LPAR1: variants seen among roughly 807,000 people sequenced by gnomAD.
LPAR1 encodes lysophosphatidic acid receptor 1, also known as LPA receptor 1.
Under a neutral mutation model 23.8 loss-of-function variants are expected in LPAR1, and 5 were observed. The ratio of observed to expected loss-of-function variants is 0.21; its 90% CI spans 0.11 to 0.44. The LOEUF is 0.44. Ranked by LOEUF, LPAR1 falls within the 20% of genes least tolerant of loss-of-function variation. The probability of loss-of-function intolerance (pLI) is 0.99; values close to 1 mark genes in which losing one functional copy is unlikely to be tolerated. For synonymous variants in LPAR1, 160 were observed against 164.7 expected, an observed-to-expected ratio of 0.97 and a Z score of 0.22; for missense variants, 311 against 482.8, an observed-to-expected ratio of 0.64 and a Z score of 3.33.
chr9:111,001,912 G>C (rs2140193397), intron 2 of LPAR1, among the ~76,000 whole-genome samples: 1 of 152,192 alleles, frequency 6.6e-6, no homozygotes, highest in East Asian at 1.9e-4. Context: ...AATACATACA[G>C]CTTCTGAAAG....
At chr9:110,969,424 A>C (rs1268861515) in intron 4 of LPAR1, among the ~76,000 whole-genome samples, 1 of 152,148 alleles carries the variant, frequency 6.6e-6, no homozygotes, top group East Asian at 1.9e-4. Flanking sequence ...AAAACTACTG[A>C]ATAGTGGTCG....
intron 4 of LPAR1, among the ~76,000 whole-genome samples, chr9:110,953,053 A>G (rs2095620007): frequency 1.3e-5 from 2 of 152,158 alleles, no homozygotes. Context: ...TGTTGCAGCC[A>G]CTGTCAACAC....
intron 2 of LPAR1, among the ~76,000 whole-genome samples, chr9:111,009,202 CT>C (rs2097277713): frequency 6.6e-6 from 1 of 151,780 alleles, no homozygotes; most frequent in Non-Finnish European, 1.5e-5. Context: ...AACAGGGTTC[CT>C]AGAAATATAA....
chr9:110,978,744 T>C (rs1217148958), intron 2 of LPAR1, among the ~76,000 whole-genome samples: 1 of 152,166 alleles, frequency 6.6e-6, no homozygotes, highest in Non-Finnish European at 1.5e-5. Flanking sequence ...GACGGAAAGA[T>C]TTTTCTCTCT....
chr9:111,011,488 G>A lies in LPAR1; in HGVS notation c.-182+24634C>T, dbSNP rs2097330542. Among the ~76,000 whole-genome samples the A allele has an allele frequency of 2.0e-5, 3 of 152,104 alleles. No individual in the cohort carries two copies. In the South Asian group the frequency reaches 6.2e-4, roughly 32 times the overall value. On this transcript the variant is annotated intron_variant, in intron 2 of 5. Coordinates refer to ENST00000683809, the MANE Select transcript of LPAR1 (RefSeq NM_001351411.2). ...TCCTAACTGAAAAACCCATCCCTGGGACCCAGCTACTCTTTTGTAACCAAA... is the reference window on the plus strand; with the variant it reads ...TCCTAACTGAAAAACCCATCCCTGGAACCCAGCTACTCTTTTGTAACCAAA...
intron 4 of LPAR1, among the ~76,000 whole-genome samples, chr9:110,943,329 CA>C (rs2095242494): frequency 6.6e-6 from 1 of 151,654 alleles, no homozygotes; most frequent in East Asian, 1.9e-4. Flanking sequence ...ATAAATTACC[CA>C]AAACATATGA....
At chr9:110,905,605 G>A (rs10980627) in intron 5 of LPAR1, among the ~76,000 whole-genome samples, 7,684 of 151,932 alleles carry the variant, frequency 0.051, 218 homozygotes, top group Non-Finnish European at 0.074. Flanking sequence ...CGCCCACCTC[G>A]GCCTCCCAAA....
chr9:111,023,612 A>G (rs1220809704), intron 2 of LPAR1, among the ~76,000 whole-genome samples: 5 of 152,074 alleles, frequency 3.3e-5, no homozygotes, highest in Non-Finnish European at 7.3e-5. Context: ...ATTCCCAGCT[A>G]CTAGCAAAAT....
intron 2 of LPAR1, among the ~76,000 whole-genome samples, chr9:110,993,276 C>T (rs968363245): frequency 1.3e-5 from 2 of 152,158 alleles, no homozygotes; most frequent in Admixed American, 1.3e-4. Flanking sequence ...CCTTCCCCAG[C>T]CCCTCACCCA....
chr9:110,982,471 T>C (rs1217234509), intron 2 of LPAR1, among the ~76,000 whole-genome samples: 1 of 151,956 alleles, frequency 6.6e-6, no homozygotes, highest in African/African-American at 2.4e-5. Flanking sequence ...CACTGGGGCC[T>C]GTCAGGGGGT....
At position 110,892,084 on chromosome 9, in the gene LPAR1, G is replaced by A. The variant is rs10980617; in HGVS notation, c.794-16362C>T. 0.032 allele frequency among the ~76,000 whole-genome samples: 4,918 copies of A among 152,266 alleles called. 926 individuals carry two copies. The East Asian group carries it at 0.57, about 18-fold the overall frequency. ...AATATGTCCACACAAAGATGTGTAG[G>A]AAATGCCCAGAGCAAAATATTTGTA... is the stretch of plus-strand genomic sequence containing the variant. On this transcript the variant is annotated intron_variant, in intron 5 of 5. Coordinates refer to ENST00000683809, the MANE Select transcript of LPAR1 (RefSeq NM_001351411.2).
chr9:110,890,951 C>T (rs976638572), intron 5 of LPAR1, among the ~76,000 whole-genome samples: 2 of 152,078 alleles, frequency 1.3e-5, no homozygotes, highest in Non-Finnish European at 2.9e-5. Context: ...GGGAAAACTA[C>T]AGAAAACTTA....
chr9:110,951,046 G>A (rs2095554217), intron 4 of LPAR1, among the ~76,000 whole-genome samples: 1 of 152,068 alleles, frequency 6.6e-6, no homozygotes, highest in Admixed American at 6.5e-5. Context: ...AGAATAAAGA[G>A]CCTGAAACAC....
intron 2 of LPAR1, among the ~76,000 whole-genome samples, chr9:111,032,836 G>A (rs1264410479): frequency 6.6e-6 from 1 of 152,120 alleles, no homozygotes; most frequent in Non-Finnish European, 1.5e-5. Context: ...ACACATAATG[G>A]CCATAATGAA....
chr9:110,879,659 T>C (rs1389234398), intron 5 of LPAR1, among the ~76,000 whole-genome samples: 1 of 152,196 alleles, frequency 6.6e-6, no homozygotes, highest in Non-Finnish European at 1.5e-5. Context: ...GTAATCTCAT[T>C]GGCCTTACTG....
intron 4 of LPAR1, among the ~76,000 whole-genome samples, chr9:110,948,413 TAGG>T (rs2136463882): frequency 6.6e-6 from 1 of 152,302 alleles, no homozygotes; most frequent in South Asian, 2.1e-4. Context: ...TAGTAAATTT[TAGG>T]AGGTTTATCT....
intron 2 of LPAR1, among the ~76,000 whole-genome samples, chr9:110,988,675 C>G (rs1165375891): frequency 6.6e-6 from 1 of 152,062 alleles, no homozygotes; most frequent in East Asian, 1.9e-4. Context: ...AATTGGAACC[C>G]TTATACATTG....
At position 110,941,477 on chromosome 9, in the gene LPAR1, G is replaced by T. The variant is rs769282124; in HGVS notation, c.737C>A (p.Pro246His). The T allele has an allele frequency of 1.6e-5, 26 of 1,613,838 alleles. No homozygotes were observed. Among genetic ancestry groups the T allele is most frequent in the Non-Finnish European group, 2.0e-5 (24 of 1,179,946 alleles). The stretch of plus-strand genomic sequence containing the variant: ...CATCATGGTATCCCGATTCCGCCGG[G>T]GTCCAGAACTATGCCGAGACATTCT... ...TMRMSRHSSG[P>H]RRNRDTMMSL... is the part of the protein sequence containing the mutation. Residue 246 changes from proline to histidine, a missense_variant, in exon 5 of 6, where the codon CCC (proline) becomes CAC (histidine). This residue lies in a region of LPAR1 where 250 missense variants were observed against 427.2 expected (regional missense o/e 0.59). Coordinates refer to ENST00000683809, the MANE Select transcript of LPAR1 (RefSeq NM_001351411.2). This position sits in a 1 kb window ranked among gnomAD's most constrained non-coding sequence, Gnocchi z 6.1.
chr9:111,002,993 A>T (rs2097156475), intron 2 of LPAR1, among the ~76,000 whole-genome samples: 1 of 152,060 alleles, frequency 6.6e-6, no homozygotes, highest in Non-Finnish European at 1.5e-5. Context: ...ATAAATAAAT[A>T]AAATATGAAG....
Sources: gnomAD v4.1 joint callset for allele counts (sites outside exome capture counted in the v4.1 genomes callset) on GRCh38, gnomAD v4.1.1 for gene constraint, gnomAD v4.1.1 regional missense constraint, Gnocchi (gnomAD v3.1) non-coding constraint, MANE v1.5 for transcripts, NCBI Gene and HGNC (gene_info 2026-07-23, HGNC 2026-07-21) for gene names.